VCL: variants seen among roughly 807,000 people sequenced by gnomAD.
VCL encodes vinculin, also known as epididymis luminal protein 114.
In VCL, 47 loss-of-function variants were observed where a neutral mutation model predicts 125.7. That is an observed-to-expected ratio of 0.37 (90% CI 0.30 to 0.48). VCL has a LOEUF of 0.48. Ranked by LOEUF, VCL falls within the 20% of genes least tolerant of loss-of-function variation. The pLI is 0.99. For missense variants in VCL, 1,069 were observed against 1,455.5 expected (o/e 0.73, Z 4.32); for synonymous variants, 458 against 514.6 (o/e 0.89, Z 1.49).
rs1330959640 is a variant in VCL, at chr10:74,097,826, T to C, written c.1872+494T>C. On this transcript the variant is annotated intron_variant, in intron 13 of 21. Coordinates refer to ENST00000211998, the MANE Select transcript of VCL (RefSeq NM_014000.3). This position sits in a 1 kb window ranked among gnomAD's most constrained non-coding sequence, Gnocchi z 4.1. Reference sequence around the variant, plus strand: ...AGACCCTTCCAATGACTCCCCGCTATCCCAGAGTAAAACCAGAGTGCTAAC... The same window carrying C: ...AGACCCTTCCAATGACTCCCCGCTACCCCAGAGTAAAACCAGAGTGCTAAC... Among the ~76,000 whole-genome samples, 1 of 152,120 alleles carries C rather than the reference T, an allele frequency of 6.6e-6. No individual in the cohort carries two copies. The highest frequency in any genetic ancestry group is 2.4e-5 in the African/African-American group (1 of 41,434).
chr10:74,056,189 C>T (rs1480860526), intron 2 of VCL, among the ~76,000 whole-genome samples: 2 of 148,742 alleles, frequency 1.3e-5, no homozygotes, highest in African/African-American at 2.5e-5. Flanking sequence ...TGTGTGTGCT[C>T]ATGATGGGTG....
chr10:74,037,896 T>G (rs1228072596), intron 1 of VCL, among the ~76,000 whole-genome samples: 1 of 152,216 alleles, frequency 6.6e-6, no homozygotes, highest in Non-Finnish European at 1.5e-5. Context: ...CTGCCTGATA[T>G]GGTAGCCACT....
intron 14 of VCL, among the ~76,000 whole-genome samples, chr10:74,102,516 C>T (rs538355856): frequency 2.0e-5 from 3 of 152,168 alleles, no homozygotes; most frequent in South Asian, 2.1e-4. Flanking sequence ...ATGATACATT[C>T]GAAACTATGC....
chr10:74,046,737 A>G (rs539237950), intron 2 of VCL, among the ~76,000 whole-genome samples: 3 of 152,234 alleles, frequency 2.0e-5, no homozygotes, highest in Non-Finnish European at 4.4e-5. Flanking sequence ...AGAAGACCTT[A>G]CAAACAATTG....
chr10:74,073,815 T>G (rs1020360899), intron 5 of VCL, among the ~76,000 whole-genome samples: 7 of 152,204 alleles, frequency 4.6e-5, no homozygotes. Context: ...AGTTGTGGGT[T>G]AATTAGTTAT....
At chr10:74,019,756 G>A (rs1840626028) in intron 1 of VCL, among the ~76,000 whole-genome samples, 1 of 152,152 alleles carries the variant, frequency 6.6e-6, no homozygotes, top group Non-Finnish European at 1.5e-5. Flanking sequence ...AATCAGTAAA[G>A]TAAATGTTTT....
chr10:74,042,924 G>A (rs1841122201), intron 1 of VCL, among the ~76,000 whole-genome samples, 159 bp from the exon 2 acceptor site: 1 of 152,134 alleles, frequency 6.6e-6, no homozygotes, highest in Non-Finnish European at 1.5e-5. Flanking sequence ...CATATTATGT[G>A]AGTAATCCTA....
At chr10:74,040,953 C>A (rs1841083294) in intron 1 of VCL, among the ~76,000 whole-genome samples, 2 of 152,150 alleles carry the variant, frequency 1.3e-5, no homozygotes, top group African/African-American at 4.8e-5. Flanking sequence ...ACCTCCTGGG[C>A]TTAAGTGATC....
chr10:74,111,833 T>G (rs1591717940), intron 18 of VCL, 76 bp from the exon 19 acceptor site: 1 of 1,574,014 alleles, frequency 6.4e-7, no homozygotes. Flanking sequence ...CTAAACCAGC[T>G]GAAGCCCAGT....
At chr10:74,036,364 G>A (rs1490478132) in intron 1 of VCL, among the ~76,000 whole-genome samples, 7 of 151,798 alleles carry the variant, frequency 4.6e-5, no homozygotes, top group East Asian at 1.9e-4. Context: ...CATCACGCCC[G>A]GCCAATTTTT....
intron 8 of VCL, among the ~76,000 whole-genome samples, chr10:74,083,928 C>T (rs555628788): frequency 1.1e-4 from 17 of 151,062 alleles, no homozygotes; most frequent in African/African-American, 3.4e-4. Flanking sequence ...AGTGCAGTGG[C>T]GCGATCTTGG....
chr10:74,088,009 T>TA (rs1008415557), intron 8 of VCL, among the ~76,000 whole-genome samples: 94 of 151,752 alleles, frequency 6.2e-4, no homozygotes, highest in Non-Finnish European at 9.6e-4. Context: ...TCAAAAAAAA[T>TA]AAAAAAACCC....
intron 17 of VCL, among the ~76,000 whole-genome samples, chr10:74,108,329 G>A (rs537670229): frequency 6.6e-6 from 1 of 152,330 alleles, no homozygotes; most frequent in African/African-American, 2.4e-5. Context: ...GCCAAGGGGA[G>A]AAGTTACTTG....
At chr10:74,079,110 G>A (rs1839638723) in intron 6 of VCL, among the ~76,000 whole-genome samples, 2 of 152,160 alleles carry the variant, frequency 1.3e-5, no homozygotes, top group South Asian at 4.1e-4. Context: ...AGGAAAGCAC[G>A]TACAAATGGT....
intron 1 of VCL, among the ~76,000 whole-genome samples, chr10:74,031,884 G>A (rs1013868593): frequency 3.3e-5 from 5 of 151,824 alleles, no homozygotes; most frequent in African/African-American, 1.2e-4. Context: ...GACCAACGTG[G>A]AGAAACCCAG....
At chr10:74,016,084 G>A (rs528616133) in intron 1 of VCL, among the ~76,000 whole-genome samples, 1 of 152,122 alleles carries the variant, frequency 6.6e-6, no homozygotes, top group South Asian at 2.1e-4. Flanking sequence ...TCCTGCCTGG[G>A]CCTCCCAAAG....
At chr10:74,037,994 CTTTTCT>C (rs1269732125) in intron 1 of VCL, among the ~76,000 whole-genome samples, 15 of 118,684 alleles carry the variant, frequency 1.3e-4, no homozygotes, top group African/African-American at 1.4e-4. Context: ...TTTTTCTTTT[CTTTTCT>C]TTTTTTTTTT....
chr10:74,078,200 G>T (rs74146320), intron 6 of VCL, among the ~76,000 whole-genome samples: 9,595 of 152,168 alleles, frequency 0.063, 1,043 homozygotes, highest in African/African-American at 0.22. Flanking sequence ...GCTTTGCACC[G>T]TGAATCATTA....
At chr10:74,001,252 A>G (rs1840218714) in intron 1 of VCL, among the ~76,000 whole-genome samples, 1 of 152,176 alleles carries the variant, frequency 6.6e-6, no homozygotes, top group Non-Finnish European at 1.5e-5. Flanking sequence ...TGACCGTTAA[A>G]TATGTGGATT....
Sources: allele counts gnomAD v4.1 joint callset (sites outside exome capture counted in the v4.1 genomes callset), GRCh38; gene constraint gnomAD v4.1.1; non-coding constraint Gnocchi (gnomAD v3.1); transcripts MANE v1.5; gene names NCBI Gene and HGNC (gene_info 2026-07-23, HGNC 2026-07-21).